The following HP1BP3 variants were observed in gnomAD, a reference collection of about 807,000 sequenced individuals.
HP1BP3 encodes heterochromatin protein 1-binding protein 3.
In HP1BP3, 12 loss-of-function variants were observed where a neutral mutation model predicts 62.5. The ratio of observed to expected loss-of-function variants is 0.19; its 90% CI spans 0.12 to 0.31. The LOEUF is 0.31. Ranked by LOEUF, HP1BP3 falls within the 10% of genes least tolerant of loss-of-function variation. The pLI, the probability that HP1BP3 is intolerant of heterozygous loss-of-function variation, is 1.00. For missense variants in HP1BP3, 502 were observed against 651.8 expected, an observed-to-expected ratio of 0.77 and a Z score of 2.50; for synonymous variants, 260 against 237.8, an observed-to-expected ratio of 1.09 and a Z score of -0.86.
intron 3 of HP1BP3, among the ~76,000 whole-genome samples, chr1:20,777,841 T>C (rs1207400124): frequency 5.9e-5 from 9 of 152,374 alleles, no homozygotes; most frequent in Admixed American, 1.3e-4. Flanking sequence ...AGCGAGTGAT[T>C]TCCATCCTCC....
intron 8 of HP1BP3, among the ~76,000 whole-genome samples, chr1:20,759,216 C>T (rs1477820903): frequency 1.3e-5 from 2 of 152,192 alleles, no homozygotes; most frequent in Admixed American, 6.5e-5. Flanking sequence ...GCTTGACCAA[C>T]ATGGAGAAAC....
chr1:20,753,177 G>GTGAT (rs1299985473), intron 9 of HP1BP3, among the ~76,000 whole-genome samples: 1 of 152,066 alleles, frequency 6.6e-6, no homozygotes, highest in Non-Finnish European at 1.5e-5. Flanking sequence ...TCCTGACCTC[G>GTGAT]TGATTCGCCC....
chr1:20,744,797 T>A lies in HP1BP3; in HGVS notation c.1662A>T (p.Ter554TyrextTer3). Reference protein sequence around the residue: ...TMKKSFRVKK* With the variant: ...TMKKSFRVKKY ...ATGATACCCTTTTTTCCTATAAAAT[T>A]TACTTTTTCACTCTGAAAGACTTCT... Residue 554 changes from the stop codon to tyrosine (Y), a stop_lost, in exon 13 of 13, where the codon TAA (stop) becomes TAT (tyrosine). Coordinates refer to ENST00000438032, the MANE Select transcript of HP1BP3 (RefSeq NM_001372052.1). The A allele has an allele frequency of 1.9e-6, 3 of 1,591,788 alleles. No homozygotes were observed. The highest frequency in any genetic ancestry group is 2.6e-6 in the Non-Finnish European group (3 of 1,172,574).
Sources: allele counts gnomAD v4.1 joint callset (sites outside exome capture counted in the v4.1 genomes callset), GRCh38; gene constraint gnomAD v4.1.1; transcripts MANE v1.5; gene names NCBI Gene and HGNC (gene_info 2026-07-23, HGNC 2026-07-21).